Variants in SPMIP2 observed in about 807,000 individuals in gnomAD.
SPMIP2 encodes protein SPMIP2.
the SPMIP2 span, among the ~76,000 whole-genome samples, chr4:158,990,874 A>G: frequency 3.3e-5 from 3 of 89,586 alleles, no homozygotes; most frequent in Non-Finnish European, 8.0e-5. Flanking sequence ...TTAAAATATA[A>G]TAAAAAACGT....
the SPMIP2 span, among the ~76,000 whole-genome samples, chr4:158,990,650 C>T: frequency 2.0e-5 from 3 of 152,090 alleles, no homozygotes; most frequent in South Asian, 2.1e-4. Flanking sequence ...AACCAAACAC[C>T]GCCATGTTCT....
At chr4:158,900,118 G>C in the SPMIP2 span, among the ~76,000 whole-genome samples, 1 of 152,190 alleles carries the variant, frequency 6.6e-6, no homozygotes, top group South Asian at 2.1e-4. Flanking sequence ...TAGTCATTCA[G>C]GAGCAGGTTG....
chr4:159,045,102 A>C, the SPMIP2 span, among the ~76,000 whole-genome samples: 27 of 152,284 alleles, frequency 1.8e-4, no homozygotes, highest in African/African-American at 6.5e-4. Flanking sequence ...AAAAAGAAAA[A>C]AAAAAAAAGA....
the SPMIP2 span, among the ~76,000 whole-genome samples, chr4:159,020,907 G>A: frequency 4.6e-5 from 7 of 152,092 alleles, no homozygotes; most frequent in South Asian, 6.2e-4. Flanking sequence ...GACTACAGGC[G>A]CCCACCACCA....
At chr4:159,037,777 A>G in the SPMIP2 span, among the ~76,000 whole-genome samples, 2 of 127,762 alleles carry the variant, frequency 1.6e-5, no homozygotes, top group Non-Finnish European at 3.2e-5. Context: ...TGTCTCAAAA[A>G]CAATATATAC....
At chr4:158,987,403 C>T in the SPMIP2 span, among the ~76,000 whole-genome samples, 2 of 152,018 alleles carry the variant, frequency 1.3e-5, no homozygotes, top group East Asian at 1.9e-4. Flanking sequence ...CAATGATAGA[C>T]TGGATTAAGA....
the SPMIP2 span, among the ~76,000 whole-genome samples, chr4:158,945,871 A>C: frequency 2.0e-5 from 3 of 152,212 alleles, no homozygotes; most frequent in Admixed American, 6.5e-5. Context: ...TGTTCAGTAC[A>C]TGAACTTTGC....
chr4:159,028,517 G>A, the SPMIP2 span, among the ~76,000 whole-genome samples: 1 of 152,022 alleles, frequency 6.6e-6, no homozygotes, highest in Admixed American at 6.6e-5. Context: ...TTTTTGTAGA[G>A]ATGAACTCTC....
At chr4:159,015,484 T>A in the SPMIP2 span, among the ~76,000 whole-genome samples, 1 of 152,222 alleles carries the variant, frequency 6.6e-6, no homozygotes, top group African/African-American at 2.4e-5. Context: ...TAATTCAATA[T>A]AACTTCCTCC....
chr4:158,979,594 CT>C, the SPMIP2 span, among the ~76,000 whole-genome samples: 1 of 152,054 alleles, frequency 6.6e-6, no homozygotes, highest in Non-Finnish European at 1.5e-5. Flanking sequence ...AGGGAACTCC[CT>C]TCCCTAGCCA....
At chr4:158,900,812 T>TG in the SPMIP2 span, among the ~76,000 whole-genome samples, 1 of 152,216 alleles carries the variant, frequency 6.6e-6, no homozygotes, top group Non-Finnish European at 1.5e-5. Context: ...GTCTTTTAAT[T>TG]GGGGCATTTA....
At chr4:159,061,098 T>C in the SPMIP2 span, among the ~76,000 whole-genome samples, 1 of 143,060 alleles carries the variant, frequency 7.0e-6, no homozygotes, top group Non-Finnish European at 1.5e-5. Context: ...AAAAAAAATA[T>C]ATATATATAT....
chr4:159,048,049 G>T, the SPMIP2 span, among the ~76,000 whole-genome samples: 4 of 152,208 alleles, frequency 2.6e-5, no homozygotes, highest in Non-Finnish European at 5.9e-5. Flanking sequence ...CTTCAGAGAT[G>T]ATTGTTCATG....
the SPMIP2 span, among the ~76,000 whole-genome samples, chr4:159,014,157 T>G: frequency 6.6e-6 from 1 of 152,162 alleles, no homozygotes; most frequent in Admixed American, 6.6e-5. Context: ...CATTCATGTT[T>G]TAATATGCAG....
chr4:159,063,032 A>C, the SPMIP2 span, among the ~76,000 whole-genome samples: 1 of 152,008 alleles, frequency 6.6e-6, no homozygotes, highest in Non-Finnish European at 1.5e-5. Context: ...ATAAGTTAAT[A>C]AGACAGACTG....
At chr4:158,984,239 C>G in the SPMIP2 span, among the ~76,000 whole-genome samples, 1 of 19,458 alleles carries the variant, frequency 5.1e-5, no homozygotes, top group African/African-American at 1.4e-4. Flanking sequence ...AGAAAGTTAA[C>G]AAGGATACCC....
the SPMIP2 span, among the ~76,000 whole-genome samples, chr4:158,917,999 G>A: frequency 1.3e-5 from 2 of 152,192 alleles, no homozygotes; most frequent in South Asian, 2.1e-4. Flanking sequence ...GATTACAGGC[G>A]TGAACCATCG....
the SPMIP2 span, chr4:159,035,281 C>T: frequency 3.6e-6 from 2 of 551,484 alleles, no homozygotes; most frequent in East Asian, 5.7e-5. Flanking sequence ...GTTCTGCATT[C>T]CAATCTCCAA....
chr4:159,002,766 G>GCACACACACACACACACACA, the SPMIP2 span, among the ~76,000 whole-genome samples: 7 of 148,092 alleles, frequency 4.7e-5, no homozygotes, highest in Non-Finnish European at 9.0e-5. Flanking sequence ...ACATATCACT[G>GCACACACACACACACACACA]CACACACACA....
Sources: allele counts gnomAD v4.1 joint callset (sites outside exome capture counted in the v4.1 genomes callset), GRCh38; gene constraint gnomAD v4.1.1; transcripts MANE v1.5; gene names NCBI Gene and HGNC (gene_info 2026-07-23, HGNC 2026-07-21).